The following YAP1 variants were observed in gnomAD, a reference collection of about 807,000 sequenced individuals.
YAP1 encodes transcriptional coactivator YAP1.
Under a neutral mutation model 56.9 loss-of-function variants are expected in YAP1, and 5 were observed. The observed-to-expected ratio is 0.09, with a 90% CI of 0.05 to 0.18. YAP1 has a LOEUF of 0.18. Among genes scored for constraint, YAP1 ranks in the 10% least tolerant of loss-of-function variants. The pLI, the probability that YAP1 is intolerant of heterozygous loss-of-function variation, is 1.00. For synonymous variants in YAP1, 265 were observed against 248.1 expected (o/e 1.07, Z -0.64); for missense variants, 539 against 651.8 (o/e 0.83, Z 1.88).
intron 2 of YAP1, among the ~76,000 whole-genome samples, chr11:102,140,097 G>A (rs1441690410): frequency 1.3e-5 from 2 of 151,690 alleles, no homozygotes; most frequent in African/African-American, 2.4e-5. Flanking sequence ...CCACTTTTTG[G>A]TGTCAAAGTT....
rs1162680906 is a variant in YAP1, at chr11:102,171,189, C to T, written c.688+8618C>T. Among the ~76,000 whole-genome samples, 3 of 152,222 alleles carry T rather than the reference C, an allele frequency of 2.0e-5. No individual in the cohort carries two copies. The East Asian group carries it at 5.8e-4, about 29-fold the overall frequency. On this transcript the variant is annotated intron_variant, in intron 3 of 8. Transcript: ENST00000282441. ...TCCATTTAAGAACCAGCTCAAATGC[C>T]TGTTTTATTCTCTTGATAAGTGTTG...
chr11:102,165,893 G>A (rs1391147063), intron 3 of YAP1, among the ~76,000 whole-genome samples: 1 of 152,140 alleles, frequency 6.6e-6, no homozygotes. Context: ...TAATATTGGG[G>A]AACTGCTTCT....
chr11:102,123,014 C>T lies in YAP1; in HGVS notation c.572+8620C>T, dbSNP rs368916879. 1.1e-4 allele frequency among the ~76,000 whole-genome samples: 17 copies of T among 151,558 alleles called. No homozygotes were observed. The East Asian group carries it at 1.2e-3, about 10-fold the overall frequency. ...TTCCACTCCTTCTAGGTGTTTTTTC[C>T]GCTGGTACTTTTAAAAATTCCATAT... On this transcript the variant is annotated intron_variant, in intron 2 of 8. Coordinates refer to ENST00000282441, the MANE Select transcript of YAP1 (RefSeq NM_001130145.3).
chr11:102,193,399 TC>T (rs1232868059), intron 4 of YAP1, among the ~76,000 whole-genome samples: 1 of 152,130 alleles, frequency 6.6e-6, no homozygotes, highest in East Asian at 1.9e-4. Flanking sequence ...GTCCAGTATG[TC>T]TCAACTATGT....
chr11:102,227,708 T>G, intron 8 of YAP1, 127 bp downstream of exon 8: 1 of 668,778 alleles, frequency 1.5e-6, no homozygotes. Context: ...AAATTTGAAT[T>G]AAATTGATCC....
chr11:102,165,545 G>T (rs557559577), intron 3 of YAP1, among the ~76,000 whole-genome samples: 2 of 152,136 alleles, frequency 1.3e-5, no homozygotes, highest in Non-Finnish European at 1.5e-5. Flanking sequence ...GGGGGAGAAG[G>T]CATAAAGGAG....
chr11:102,125,459 C>T (rs1943978726), intron 2 of YAP1, among the ~76,000 whole-genome samples: 2 of 151,600 alleles, frequency 1.3e-5, no homozygotes, highest in African/African-American at 2.4e-5. Flanking sequence ...TCACTGCAGC[C>T]TCCGCCTCCT....
At chr11:102,162,220 A>C (rs1000362578) in intron 2 of YAP1, among the ~76,000 whole-genome samples, 1 of 152,206 alleles carries the variant, frequency 6.6e-6, no homozygotes, top group African/African-American at 2.4e-5. Context: ...TTTCACTTAA[A>C]ATTCCAGGCA....
At chr11:102,126,660 A>G (rs936736172) in intron 2 of YAP1, among the ~76,000 whole-genome samples, 2 of 152,208 alleles carry the variant, frequency 1.3e-5, no homozygotes, top group African/African-American at 2.4e-5. Context: ...GAACTAATAC[A>G]GTACATTGGT....
At chr11:102,174,104 A>T (rs534868292) in intron 3 of YAP1, among the ~76,000 whole-genome samples, 77 of 152,198 alleles carry the variant, frequency 5.1e-4, no homozygotes, top group Non-Finnish European at 9.8e-4. Flanking sequence ...TGGTTAAAGG[A>T]GTGCACAAAT....
intron 4 of YAP1, among the ~76,000 whole-genome samples, chr11:102,189,419 AAG>A (rs1260949927): frequency 6.6e-6 from 1 of 152,224 alleles, no homozygotes. Context: ...ATATTATAAA[AAG>A]ATGTATTAAA....
At chr11:102,130,440 G>T (rs1183952421) in intron 2 of YAP1, among the ~76,000 whole-genome samples, 1 of 152,116 alleles carries the variant, frequency 6.6e-6, no homozygotes, top group Non-Finnish European at 1.5e-5. Context: ...TCTCATTCCA[G>T]TTGCCCAGGC....
At chr11:102,165,187 T>A (rs1277322400) in intron 3 of YAP1, among the ~76,000 whole-genome samples, 1 of 150,022 alleles carries the variant, frequency 6.7e-6, no homozygotes, top group Non-Finnish European at 1.5e-5. Flanking sequence ...GGTGAAACCT[T>A]GTCTCTACAA....
At chr11:102,115,590 T>C (rs964943653) in intron 2 of YAP1, among the ~76,000 whole-genome samples, 2 of 138,992 alleles carry the variant, frequency 1.4e-5, no homozygotes, top group African/African-American at 5.0e-5. Flanking sequence ...CTTTTTCTTT[T>C]CTTTTCTTCT....
At chr11:102,135,827 T>C (rs1944641184) in intron 2 of YAP1, among the ~76,000 whole-genome samples, 1 of 152,248 alleles carries the variant, frequency 6.6e-6, no homozygotes, top group African/African-American at 2.4e-5. Flanking sequence ...TCTGCAAATA[T>C]TTTTGCAGTT....
intron 2 of YAP1, among the ~76,000 whole-genome samples, chr11:102,145,342 G>A (rs1468640287): frequency 6.6e-6 from 1 of 152,196 alleles, no homozygotes; most frequent in African/African-American, 2.4e-5. Flanking sequence ...TAGGGATAAA[G>A]AGAGGTACAA....
chr11:102,116,656 T>C (rs1368108083), intron 2 of YAP1, among the ~76,000 whole-genome samples: 4 of 152,154 alleles, frequency 2.6e-5, no homozygotes, highest in Admixed American at 6.5e-5. Context: ...TAGAGAGATA[T>C]TTACCCGGAA....
chr11:102,229,567 A>T (rs1950363949), intron 8 of YAP1, 135 bp from the exon 9 acceptor site: 1 of 716,086 alleles, frequency 1.4e-6, no homozygotes, highest in African/African-American at 1.8e-5. Flanking sequence ...GTTTGACCTG[A>T]TATAAATTCT....
In YAP1 at chr11:102,110,706, G is replaced by A; in HGVS notation, c.-143G>A. 1.5e-6 allele frequency: 1 copy of A among 673,788 alleles called. No individual in the cohort carries two copies. The highest frequency in any genetic ancestry group is 7.3e-5 in the South Asian group (1 of 13,780). 41.7% of individuals were successfully genotyped at this position (673,788 alleles called of 1,614,324 possible). ...GCGGGGGATGCGGGGCCGCGGCGCA[G>A]CCCCCCGGCCCTGAGAGCGAGGACA... On this transcript the variant is annotated 5_prime_UTR_variant, in exon 1 of 9. Coordinates refer to ENST00000282441, the MANE Select transcript of YAP1 (RefSeq NM_001130145.3).
Sources: gnomAD v4.1 joint callset for allele counts (sites outside exome capture counted in the v4.1 genomes callset) on GRCh38, gnomAD v4.1.1 for gene constraint, MANE v1.5 for transcripts, NCBI Gene and HGNC (gene_info 2026-07-23, HGNC 2026-07-21) for gene names.